SUPT6H: variants seen among roughly 807,000 people sequenced by gnomAD.
SUPT6H encodes the protein SPT6 homolog, histone chaperone and transcription elongation factor, also known as transcription elongation factor SPT6.
SUPT6H carries 11 observed loss-of-function variants against 222.3 expected under a neutral mutation model. That is an observed-to-expected ratio of 0.05 (90% CI 0.03 to 0.08). The LOEUF is 0.08. SUPT6H is among the 10% of genes least tolerant of loss of function. SUPT6H has a pLI of 1.00. For missense variants in SUPT6H, 1,422 were observed against 2,216.0 expected (o/e 0.64, Z 7.19); for synonymous variants, 762 against 801.2 (o/e 0.95, Z 0.83).
chr17:28,681,950 A>G lies in SUPT6H; in HGVS notation c.1567A>G (p.Met523Val), dbSNP rs777658462. ...PELKQASRRD[M>V]YTICQSAGLD... ...GCTCAAGCAAGCCTCTCGCCGAGAC[A>G]TGTACACCATCTGCCAGAGTGCTGG... Residue 523 changes from methionine to valine, a missense_variant, in exon 13 of 37, where the codon ATG (methionine) becomes GTG (valine). Transcript: ENST00000314616. 3.1e-6 allele frequency: 5 copies of G among 1,608,228 alleles called. No individual in the cohort carries two copies. The highest frequency in any genetic ancestry group is 4.2e-6 in the Non-Finnish European group (5 of 1,178,322).
chr17:28,696,340 T>A (rs931589968), intron 29 of SUPT6H, among the ~76,000 whole-genome samples: 5 of 144,730 alleles, frequency 3.5e-5, no homozygotes, highest in African/African-American at 1.3e-4. Flanking sequence ...CTCACGCCTG[T>A]AATCCTAGCA....
rs2031425719 is a variant in SUPT6H, at chr17:28,687,194, A to T, written c.2807A>T (p.Asp936Val). The T allele has an allele frequency of 6.2e-7, 1 of 1,614,054 alleles. No homozygotes were observed. The highest frequency in any genetic ancestry group is 8.5e-7 in the Non-Finnish European group (1 of 1,180,042). ...EFAQVCSSDEDILCLKFHPLQ... is the reference protein window; with the variant it reads ...EFAQVCSSDEVILCLKFHPLQ... The stretch of plus-strand genomic sequence containing the variant: ...GCCCAGGTGTGCAGTTCCGATGAAG[A>T]CATCCTGTGTCTCAAGTTTCACCCC... The change falls in exon 22 of 37, where the codon GAC becomes GTC. Residue 936 changes from aspartate (D) to valine (V), a missense_variant. Physicochemically the swap from Asp to Val is radical, Grantham distance 152. Around this residue, in one of 13 missense-constraint regions of SUPT6H, gnomAD observed 294 missense variants for 382.1 expected, o/e 0.77. Transcript: ENST00000314616.
In SUPT6H at chr17:28,683,073, C is replaced by T; in HGVS notation, c.1859C>T (p.Pro620Leu). The change falls in exon 15 of 37, where the codon CCC (proline) becomes CTC (leucine). Residue 620 changes from proline (P) to leucine (L), a missense_variant. This residue lies in a region of SUPT6H where 121 missense variants were observed against 158.0 expected (regional missense o/e 0.77). Coordinates refer to ENST00000314616, the MANE Select transcript of SUPT6H (RefSeq NM_003170.5). ...GAGAGAGCCAAGTTAAATATAACCC[C>T]CACCAAGAAAGGTAGAAAGGTGAGC... ...FQERAKLNIT[P>L]TKKGRKDVDE... The T allele has an allele frequency of 1.2e-6, 2 of 1,605,568 alleles. No individual in the cohort carries two copies. Among genetic ancestry groups the T allele is most frequent in the Non-Finnish European group, 1.7e-6 (2 of 1,177,290 alleles).
At chr17:28,672,090 T>C (rs575552987) in intron 1 of SUPT6H, among the ~76,000 whole-genome samples, 3 of 152,338 alleles carry the variant, frequency 2.0e-5, no homozygotes, top group South Asian at 2.1e-4. Flanking sequence ...TCACACAAAT[T>C]GGCTCAAGTT....
intron 1 of SUPT6H, among the ~76,000 whole-genome samples, chr17:28,665,251 TCTC>T (rs1232304110): frequency 2.6e-5 from 4 of 152,162 alleles, no homozygotes; most frequent in Non-Finnish European, 5.9e-5. Context: ...TACTGGAACC[TCTC>T]CTCCTACTTC....
chr17:28,678,420 G>T, intron 9 of SUPT6H, 125 bp from the exon 10 acceptor site: 1 of 1,001,706 alleles, frequency 1.0e-6, no homozygotes. Flanking sequence ...GGGCTGTGAG[G>T]GAGGCCAGGC....
chr17:28,689,203 TA>T, intron 24 of SUPT6H, 150 bp from the exon 25 acceptor site: 1 of 669,462 alleles, frequency 1.5e-6, no homozygotes, highest in Non-Finnish European at 2.5e-6. Flanking sequence ...TCAGCACACA[TA>T]GATCTACCTC....
At chr17:28,687,015 A>G in intron 21 of SUPT6H, 73 bp from the exon 22 acceptor site, 5 of 1,569,246 alleles carry the variant, frequency 3.2e-6, no homozygotes, top group Non-Finnish European at 4.3e-6. Flanking sequence ...TTTAAACCAG[A>G]ATGGTTTGGA....
rs35375996 is a variant in SUPT6H at position 28,690,245 on chromosome 17, ATTT to A, written c.3490+21_3490+23del. ...TTCTACATTGGTAAATTCTGGGGTC[ATTT>A]TTTTATTGGGGGCAGGAGGTGTGTT... On this transcript the variant is annotated intron_variant, in intron 26 of 36. Coordinates refer to ENST00000314616, the MANE Select transcript of SUPT6H (RefSeq NM_003170.5). The A allele has an allele frequency of 6.2e-7, 1 of 1,612,140 alleles. No individual in the cohort carries two copies. Among genetic ancestry groups the A allele is most frequent in the Non-Finnish European group, 8.5e-7 (1 of 1,179,164 alleles).
Position 28,673,472 on chromosome 17 carries a change from C to G in SUPT6H, c.71C>G (p.Pro24Arg). ...EEYNDEGEVV[P>R]RVTKKFVEEE... is the part of the protein sequence containing the mutation. ...TACAATGATGAAGGCGAGGTGGTAC[C>G]CCGAGTCACCAAGAAATTTGTGGAA... The change falls in exon 2 of 37, where the codon CCC (proline) becomes CGC (arginine). Residue 24 changes from proline to arginine, a missense_variant. Around this residue, in one of 13 missense-constraint regions of SUPT6H, gnomAD observed 89 missense variants for 118.9 expected, o/e 0.75. Coordinates refer to ENST00000314616, the MANE Select transcript of SUPT6H (RefSeq NM_003170.5). 6.2e-7 allele frequency: 1 copy of G among 1,613,584 alleles called. No homozygotes were observed. Among genetic ancestry groups the G allele is most frequent in the East Asian group, 2.2e-5 (1 of 44,888 alleles).
chr17:28,684,730 C>T lies in SUPT6H; in HGVS notation c.2369+5C>T. 1.2e-6 allele frequency: 2 copies of T among 1,614,188 alleles called. No individual in the cohort carries two copies. The highest frequency in any genetic ancestry group is 1.7e-6 in the Non-Finnish European group (2 of 1,180,020). ...CATTGCTTTCTCCTCTGCCAGGTAA[C>T]AGCCTATTTTTGCCTCCCCAGCACC... On this transcript the variant is annotated splice_donor_5th_base_variant and intron_variant, in intron 18 of 36. Coordinates refer to ENST00000314616, the MANE Select transcript of SUPT6H (RefSeq NM_003170.5).
rs1382815939 is a variant in SUPT6H, at chr17:28,684,827, TTCTG to T, written c.2370-8_2370-5del. 2.5e-6 allele frequency: 4 copies of T among 1,613,966 alleles called. No homozygotes were observed. Among genetic ancestry groups the T allele is most frequent in the Admixed American group, 1.7e-5 (1 of 59,994 alleles). On this transcript the variant is annotated splice_polypyrimidine_tract_variant and intron_variant, in intron 18 of 36. Transcript: ENST00000314616. Reference sequence around the variant, plus strand: ...ATTGCTGATTATTGCATTCTTGTTTTTCTGTCTGTCTGGCAGAGATCACCCTGTG... The same window carrying T: ...ATTGCTGATTATTGCATTCTTGTTTTTCTGTCTGGCAGAGATCACCCTGTG...
intron 11 of SUPT6H, among the ~76,000 whole-genome samples, chr17:28,679,569 A>C (rs2151627037): frequency 6.6e-6 from 1 of 151,748 alleles, no homozygotes; most frequent in African/African-American, 2.4e-5. Flanking sequence ...TTTAGTAGAG[A>C]CAGGGTTTCA....
At position 28,675,085 on chromosome 17, in the gene SUPT6H, A is replaced by G; in HGVS notation, c.461A>G (p.Glu154Gly). The G allele has an allele frequency of 6.2e-7, 1 of 1,613,972 alleles. No homozygotes were observed. The highest frequency in any genetic ancestry group is 8.5e-7 in the Non-Finnish European group (1 of 1,179,948). Residue 154 changes from glutamate to glycine, a missense_variant, in exon 5 of 37, where the codon GAA becomes GGA. Physicochemically the swap from Glu to Gly is moderately conservative, Grantham distance 98. Transcript: ENST00000314616. The part of the protein sequence containing the change: ...AIAEEIFQDG[E>G]GEEGQEAMEA... ...GCGGAAGAAATCTTCCAGGATGGGG[A>G]AGGGGAAGAAGGGCAGGAGGCCATG...
Position 28,683,726 on chromosome 17 carries a change from C to T in SUPT6H, c.2139C>T (p.Ile713=), listed in dbSNP as rs770210360. ...GGAACCGGCAGCGCACCATGGCCAT[C>T]GAACGGGCTTTACAGCAGTTCCTCT... The part of the protein sequence containing the change: ...QEWNRQRTMA[I]ERALQQFLYV... Residue 713 remains isoleucine, a synonymous_variant, in exon 17 of 37, where the codon ATC becomes ATT. Transcript: ENST00000314616. 7.4e-6 allele frequency: 12 copies of T among 1,613,994 alleles called. No homozygotes were observed. The East Asian group carries it at 8.9e-5, about 12-fold the overall frequency.
intron 27 of SUPT6H, 130 bp downstream of exon 27, chr17:28,691,193 G>A (rs946865348): frequency 1.7e-5 from 22 of 1,266,392 alleles, no homozygotes; most frequent in African/African-American, 7.4e-5. Context: ...GAAGGAAGAC[G>A]GACGGGAAAC....
Position 28,674,415 on chromosome 17 carries a change from A to C in SUPT6H, c.242A>C (p.Asp81Ala). 1 of 1,613,784 alleles carries C rather than the reference A, an allele frequency of 6.2e-7. No homozygotes were observed. Among genetic ancestry groups the C allele is most frequent in the Non-Finnish European group, 8.5e-7 (1 of 1,179,798 alleles). ...EGSDSGDSED[D>A]VGHKKRKRTS... ...AGTGACTCTGGTGATTCAGAAGATG[A>C]TGTTGGCCACAAGAAGAGAAAACGC... Residue 81 changes from aspartate to alanine, a missense_variant, in exon 3 of 37, where the codon GAT becomes GCT. Physicochemically the swap from Asp to Ala is moderately radical, Grantham distance 126 (BLOSUM62 -2). Transcript: ENST00000314616.
At chr17:28,666,749 A>G (rs529654674) in intron 1 of SUPT6H, among the ~76,000 whole-genome samples, 3 of 152,022 alleles carry the variant, frequency 2.0e-5, no homozygotes, top group Non-Finnish European at 4.4e-5. Flanking sequence ...ACAGGGTTTC[A>G]TCATGCTGGC....
chr17:28,681,712 C>CAAA (rs541707928), intron 12 of SUPT6H, among the ~76,000 whole-genome samples, 170 bp from the exon 13 acceptor site: 1 of 89,080 alleles, frequency 1.1e-5, no homozygotes, highest in Non-Finnish European at 2.3e-5. Flanking sequence ...GGCTGTGTCT[C>CAAA]AAAAAAAAAA....
Sources: gnomAD v4.1 joint callset for allele counts (sites outside exome capture counted in the v4.1 genomes callset) on GRCh38, gnomAD v4.1.1 for gene constraint, gnomAD v4.1.1 regional missense constraint, MANE v1.5 for transcripts, NCBI Gene and HGNC (gene_info 2026-07-23, HGNC 2026-07-21) for gene names.